VCAN: variants seen among roughly 807,000 people sequenced by gnomAD.
VCAN encodes versican core protein.
In VCAN, 44 loss-of-function variants were observed where a neutral mutation model predicts 245.5. The observed-to-expected ratio is 0.18, with a 90% CI of 0.14 to 0.23. The LOEUF is 0.23. Ranked by LOEUF, VCAN falls within the 10% of genes least tolerant of loss-of-function variation. The pLI is 1.00. For missense variants in VCAN, 3,793 were observed against 4,057.9 expected (o/e 0.93, Z 1.77); for synonymous variants, 1,413 against 1,437.0 (o/e 0.98, Z 0.38).
intron 13 of VCAN, among the ~76,000 whole-genome samples, chr5:83,573,346 G>A (rs1255192976): frequency 6.6e-6 from 1 of 152,040 alleles, no homozygotes; most frequent in Non-Finnish European, 1.5e-5. Context: ...AGATTTGTCG[G>A]TGGTTTGAAG....
intron 1 of VCAN, among the ~76,000 whole-genome samples, chr5:83,482,757 A>G (rs1179735360): frequency 6.6e-6 from 1 of 152,210 alleles, no homozygotes; most frequent in East Asian, 1.9e-4. Flanking sequence ...AAGTCATGCA[A>G]TAAATTAAAT....
chr5:83,536,048 T>C (rs1420593190), intron 7 of VCAN: 7 of 152,144 alleles, frequency 4.6e-5, no homozygotes, highest in Non-Finnish European at 1.5e-5. Context: ...GCTTTGCTGA[T>C]GTATTTCTGA....
chr5:83,559,344 G>A (rs74433375), intron 12 of VCAN, among the ~76,000 whole-genome samples: 6,193 of 151,972 alleles, frequency 0.041, 446 homozygotes, highest in African/African-American at 0.14. Flanking sequence ...AACTCTTGTC[G>A]CTCCCTTAAA....
rs1377067830 is a variant in VCAN at position 83,512,161 on chromosome 5, G to A, written c.807G>A (p.Glu269=). ...SKFTFEEAAK[E]CENQDARLAT... ...TCACCTTCGAGGAGGCTGCAAAAGA[G>A]TGTGAAAACCAGGATGCCAGGCTGG... is the stretch of plus-strand genomic sequence containing the variant. The change falls in exon 6 of 15, where the codon GAG becomes GAA. Residue 269 remains glutamate (E), a synonymous_variant. Coordinates refer to ENST00000265077, the MANE Select transcript of VCAN (RefSeq NM_004385.5). 1 of 1,614,170 alleles carries A rather than the reference G, an allele frequency of 6.2e-7. No individual in the cohort carries two copies. The highest frequency in any genetic ancestry group is 8.5e-7 in the Non-Finnish European group (1 of 1,180,044).
intron 12 of VCAN, among the ~76,000 whole-genome samples, chr5:83,571,027 A>G (rs1164706279): frequency 6.6e-6 from 1 of 152,160 alleles, no homozygotes; most frequent in Non-Finnish European, 1.5e-5. Flanking sequence ...CATATTAGCC[A>G]TTGTCACATA....
chr5:83,546,404 T>C (rs1747221907), intron 9 of VCAN, among the ~76,000 whole-genome samples: 1 of 152,088 alleles, frequency 6.6e-6, no homozygotes, highest in Non-Finnish European at 1.5e-5. Flanking sequence ...AATAGCACTT[T>C]AAATTATACA....
intron 1 of VCAN, among the ~76,000 whole-genome samples, chr5:83,482,789 TGAC>T (rs2112341295): frequency 6.6e-6 from 1 of 152,372 alleles, no homozygotes; most frequent in South Asian, 2.1e-4. Flanking sequence ...GGCAGTTTCT[TGAC>T]TCAGTACAGG....
In VCAN at chr5:83,538,114, A is replaced by G. The variant is rs768078166; in HGVS notation, c.5111A>G (p.Lys1704Arg). The G allele has an allele frequency of 6.2e-6, 10 of 1,614,062 alleles. No individual in the cohort carries two copies. The East Asian group carries it at 2.0e-4, about 32-fold the overall frequency. ...EQPSAKVVPT[K>R]FVSETDTSEW... is the part of the protein sequence containing the mutation. The stretch of plus-strand genomic sequence containing the variant: ...CCTTCTGCAAAAGTGGTGCCTACCA[A>G]GTTTGTAAGTGAAACAGACACTTCT... Residue 1704 changes from lysine (K) to arginine (R), a missense_variant, in exon 8 of 15, where the codon AAG (lysine) becomes AGG (arginine). By Grantham distance (26) the Lys-to-Arg change is conservative. Around this residue, in one of 5 missense-constraint regions of VCAN, gnomAD observed 3,182 missense variants for 3,250.3 expected, o/e 0.98. Coordinates refer to ENST00000265077, the MANE Select transcript of VCAN (RefSeq NM_004385.5).
chr5:83,565,575 A>T (rs1001736052), intron 12 of VCAN, among the ~76,000 whole-genome samples: 1 of 152,182 alleles, frequency 6.6e-6, no homozygotes, highest in African/African-American at 2.4e-5. Flanking sequence ...GAAAGATTCT[A>T]AACAGTGTCT....
chr5:83,481,976 T>C (rs1744629451), intron 1 of VCAN, among the ~76,000 whole-genome samples: 1 of 152,202 alleles, frequency 6.6e-6, no homozygotes, highest in Non-Finnish European at 1.5e-5. Context: ...CCAATGAAGT[T>C]TTTCAGGGTC....
At position 83,541,375 on chromosome 5, in the gene VCAN, G is replaced by A. The variant is rs773738341; in HGVS notation, c.8372G>A (p.Ser2791Asn). Residue 2791 changes from serine to asparagine, a missense_variant, in exon 8 of 15, where the codon AGT becomes AAT. Ser to Asn is a conservative substitution (Grantham distance 46). Around this residue, in one of 5 missense-constraint regions of VCAN, gnomAD observed 3,182 missense variants for 3,250.3 expected, o/e 0.98. Coordinates refer to ENST00000265077, the MANE Select transcript of VCAN (RefSeq NM_004385.5). ...GCTACTACCCACCTTATGGATCAGA[G>A]TGTAACAGAGGTGCCTGATGTGATG... ...SIATTHLMDQ[S>N]VTEVPDVMEG... is the part of the protein sequence containing the mutation. 6.2e-6 allele frequency: 10 copies of A among 1,614,076 alleles called. No individual in the cohort carries two copies. The Middle Eastern group carries it at 4.9e-4, about 80-fold the overall frequency.
intron 13 of VCAN, among the ~76,000 whole-genome samples, chr5:83,573,279 C>T (rs1327267124): frequency 6.6e-6 from 1 of 151,900 alleles, no homozygotes; most frequent in Non-Finnish European, 1.5e-5. Flanking sequence ...TTTTTTAAAT[C>T]TGGATTTTCA....
intron 12 of VCAN, among the ~76,000 whole-genome samples, chr5:83,558,270 GT>G (rs1480324788): frequency 6.6e-6 from 1 of 152,058 alleles, no homozygotes; most frequent in Non-Finnish European, 1.5e-5. Context: ...TTACTCCAAG[GT>G]TTTTGCTTTT....
At chr5:83,549,383 T>C (rs149017237) in intron 10 of VCAN, among the ~76,000 whole-genome samples, 71 of 152,318 alleles carry the variant, frequency 4.7e-4, no homozygotes, top group African/African-American at 1.6e-3. Flanking sequence ...TTTCATTTGG[T>C]TGGCATAGCA....
At position 83,541,883 on chromosome 5, in the gene VCAN, T is replaced by G; in HGVS notation, c.8880T>G (p.Ile2960Met). ...TIKTPEAGTV[I>M]TTADEIELEG... is the part of the protein sequence containing the mutation. The stretch of plus-strand genomic sequence containing the variant: ...AAACACCTGAGGCTGGAACTGTTAT[T>G]ACAACTGCCGATGAAATTGAATTAG... Residue 2960 changes from isoleucine (I) to methionine (M), a missense_variant, in exon 8 of 15, where the codon ATT becomes ATG. Physicochemically the swap from Ile to Met is conservative, Grantham distance 10 (BLOSUM62 1). This residue lies in a region of VCAN where 3,182 missense variants were observed against 3,250.3 expected (regional missense o/e 0.98). Transcript: ENST00000265077. The G allele has an allele frequency of 1.2e-6, 2 of 1,614,082 alleles. No homozygotes were observed. Among genetic ancestry groups the G allele is most frequent in the South Asian group, 2.2e-5 (2 of 91,084 alleles).
At chr5:83,478,987 G>C (rs1209801378) in intron 1 of VCAN, among the ~76,000 whole-genome samples, 2 of 152,158 alleles carry the variant, frequency 1.3e-5, no homozygotes, top group African/African-American at 4.8e-5. Flanking sequence ...GAGAACAGAG[G>C]AGTGCTAAGG....
In VCAN at chr5:83,490,181, T is replaced by C. The variant is rs1470196352; in HGVS notation, c.154T>C (p.Leu52=). ...LPCHFSTMPT[L]PPSYNTSEFL... Reference sequence around the variant, plus strand: ...TTGTCATTTTTCAACGATGCCTACTTTGCCACCCAGTTACAACACCAGTGA... The same window carrying C: ...TTGTCATTTTTCAACGATGCCTACTCTGCCACCCAGTTACAACACCAGTGA... Residue 52 remains leucine, a synonymous_variant, in exon 3 of 15, where the codon TTG becomes CTG. Transcript: ENST00000265077. 1 of 1,614,144 alleles carries C rather than the reference T, an allele frequency of 6.2e-7. No homozygotes were observed.
At chr5:83,503,004 C>G (rs973089382) in intron 5 of VCAN, among the ~76,000 whole-genome samples, 1 of 152,046 alleles carries the variant, frequency 6.6e-6, no homozygotes, top group Admixed American at 6.6e-5. Flanking sequence ...GAAGATTGGC[C>G]TTTGTGCAGG....
chr5:83,557,937 C>T (rs969635950), intron 12 of VCAN, among the ~76,000 whole-genome samples: 2 of 152,062 alleles, frequency 1.3e-5, no homozygotes, highest in African/African-American at 4.8e-5. Context: ...CAAGTAAATC[C>T]AGAAAAAACT....
Sources: allele counts gnomAD v4.1 joint callset (sites outside exome capture counted in the v4.1 genomes callset), GRCh38; gene constraint gnomAD v4.1.1; regional missense constraint gnomAD v4.1.1; transcripts MANE v1.5; gene names NCBI Gene and HGNC (gene_info 2026-07-23, HGNC 2026-07-21).